Variants in CIMAP2 observed in about 807,000 individuals in gnomAD.
CIMAP2 encodes ciliary microtubule-associated protein 2.
the CIMAP2 span, among the ~76,000 whole-genome samples, chr1:54,837,719 AC>A: frequency 6.6e-6 from 1 of 151,912 alleles, no homozygotes; most frequent in Admixed American, 6.5e-5. Flanking sequence ...GGAAAATGCC[AC>A]CCCCAATTTA....
chr1:54,817,886 TG>T, the CIMAP2 span, among the ~76,000 whole-genome samples: 1 of 152,200 alleles, frequency 6.6e-6, no homozygotes, highest in African/African-American at 2.4e-5. Flanking sequence ...CTTGTTCTGG[TG>T]GGTTCCTGAG....
chr1:54,810,244 G>A, the CIMAP2 span, among the ~76,000 whole-genome samples: 2 of 152,290 alleles, frequency 1.3e-5, no homozygotes, highest in Admixed American at 1.3e-4. Context: ...GGCTCAGAAA[G>A]GTTGTGGATT....
At chr1:54,806,112 C>T in the CIMAP2 span, 228 of 1,528,334 alleles carry the variant, frequency 1.5e-4, no homozygotes, top group Non-Finnish European at 1.9e-4. Context: ...GCGCGCAGGC[C>T]TGCCATGAGG....
the CIMAP2 span, among the ~76,000 whole-genome samples, chr1:54,811,612 G>C: frequency 6.6e-6 from 1 of 152,106 alleles, no homozygotes; most frequent in Non-Finnish European, 1.5e-5. Context: ...GGAGATGAAG[G>C]TGTGAGCAGT....
At chr1:54,828,365 C>T in the CIMAP2 span, among the ~76,000 whole-genome samples, 3,625 of 152,060 alleles carry the variant, frequency 0.024, 132 homozygotes, top group African/African-American at 0.072. Context: ...CCATCCAGGG[C>T]GGGGGTGCCA....
the CIMAP2 span, among the ~76,000 whole-genome samples, chr1:54,820,112 C>T: frequency 7.2e-4 from 6 of 8,312 alleles, no homozygotes; most frequent in Admixed American, 1.6e-3. Context: ...TTCTCTCTCT[C>T]TCTTTCTTTC....
the CIMAP2 span, chr1:54,807,690 G>A: frequency 6.3e-7 from 1 of 1,592,142 alleles, no homozygotes; most frequent in African/African-American, 1.4e-5. Context: ...AGCGGCTGAA[G>A]GTGAGGCCTC....
the CIMAP2 span, chr1:54,813,925 C>T: frequency 6.2e-7 from 1 of 1,613,150 alleles, no homozygotes; most frequent in South Asian, 1.1e-5. Flanking sequence ...CCCGAAAACC[C>T]CTACAGAGAG....
the CIMAP2 span, chr1:54,807,942 G>A: frequency 6.2e-7 from 1 of 1,609,890 alleles, no homozygotes; most frequent in East Asian, 2.2e-5. Flanking sequence ...TAGAACAGCT[G>A]CGGGAGAAAC....
chr1:54,841,246 A>G, the CIMAP2 span, among the ~76,000 whole-genome samples: 3 of 152,238 alleles, frequency 2.0e-5, no homozygotes, highest in South Asian at 6.2e-4. Flanking sequence ...ACAAACAGAT[A>G]CATAAAGTGT....
chr1:54,833,841 C>G, the CIMAP2 span, among the ~76,000 whole-genome samples: 1 of 150,558 alleles, frequency 6.6e-6, no homozygotes, highest in Non-Finnish European at 1.5e-5. Flanking sequence ...ATGATTTGTT[C>G]TTTTTTTTTT....
the CIMAP2 span, chr1:54,815,143 T>C: frequency 8.1e-6 from 12 of 1,487,260 alleles, no homozygotes; most frequent in Non-Finnish European, 1.1e-5. Context: ...GAGTGAGCCA[T>C]ATGCCTCCCC....
chr1:54,816,122 G>A, the CIMAP2 span, among the ~76,000 whole-genome samples: 1 of 152,238 alleles, frequency 6.6e-6, no homozygotes, highest in Non-Finnish European at 1.5e-5. Flanking sequence ...GCCAGCCACT[G>A]TGAAGTGGGA....
chr1:54,814,962 C>G, the CIMAP2 span: 1 of 1,614,202 alleles, frequency 6.2e-7, no homozygotes, highest in South Asian at 1.1e-5. Flanking sequence ...GAAATGCAAA[C>G]CCGTCAACCA....
At chr1:54,841,855 T>A in the CIMAP2 span, 1 of 1,552,546 alleles carries the variant, frequency 6.4e-7, no homozygotes, top group East Asian at 2.4e-5. Flanking sequence ...TGGATTACAA[T>A]TCAGATCCTA....
the CIMAP2 span, among the ~76,000 whole-genome samples, chr1:54,835,119 C>T: frequency 6.6e-6 from 1 of 152,218 alleles, no homozygotes; most frequent in African/African-American, 2.4e-5. Flanking sequence ...AAATGTCTAT[C>T]CTCTGTAACG....
the CIMAP2 span, chr1:54,811,772 T>TACCCCCCC: frequency 2.2e-6 from 1 of 454,868 alleles, no homozygotes; most frequent in Non-Finnish European, 4.3e-6. Context: ...ACAGCCTCCA[T>TACCCCCCC]GCCCCCACCC....
At chr1:54,818,950 CCT>C in the CIMAP2 span, among the ~76,000 whole-genome samples, 1 of 152,124 alleles carries the variant, frequency 6.6e-6, no homozygotes, top group Non-Finnish European at 1.5e-5. Flanking sequence ...TCTTTTGCCC[CCT>C]GTGTTGTCTC....
At chr1:54,829,080 C>A in the CIMAP2 span, among the ~76,000 whole-genome samples, 1 of 152,148 alleles carries the variant, frequency 6.6e-6, no homozygotes, top group Admixed American at 6.5e-5. Context: ...TGATTACATG[C>A]GGAGGGCAGG....
Sources: gnomAD v4.1 joint callset for allele counts (sites outside exome capture counted in the v4.1 genomes callset) on GRCh38, gnomAD v4.1.1 for gene constraint, MANE v1.5 for transcripts, NCBI Gene and HGNC (gene_info 2026-07-23, HGNC 2026-07-21) for gene names.